The following ATXN2 variants were observed in gnomAD, a reference collection of about 807,000 sequenced individuals.
ATXN2 encodes ataxin-2.
A neutral mutation model predicts 138.6 loss-of-function variants in ATXN2; 37 were observed. That is an observed-to-expected ratio of 0.27 (90% confidence interval 0.21 to 0.35). ATXN2 has a LOEUF of 0.35. Ranked by LOEUF, ATXN2 falls within the 10% of genes least tolerant of loss-of-function variation. The probability of loss-of-function intolerance (pLI) is 1.00; values close to 1 mark genes in which losing one functional copy is unlikely to be tolerated. For missense variants in ATXN2, 1,216 were observed against 1,480.3 expected (o/e 0.82, Z 2.93); for synonymous variants, 549 against 543.7 (o/e 1.01, Z -0.13).
At chr12:111,522,642 G>A (rs753096093) in intron 6 of ATXN2, among the ~76,000 whole-genome samples, 1 of 152,084 alleles carries the variant, frequency 6.6e-6, no homozygotes, top group Non-Finnish European at 1.5e-5. Context: ...GCCGGGCGCA[G>A]TGGCTCATGC....
chr12:111,493,049 A>C (rs1878147848), intron 14 of ATXN2, among the ~76,000 whole-genome samples: 1 of 152,214 alleles, frequency 6.6e-6, no homozygotes, highest in Non-Finnish European at 1.5e-5. Context: ...AAACTGAAAA[A>C]TGCATCAGTC....
At chr12:111,589,682 GA>G (rs1246041836) in intron 1 of ATXN2, among the ~76,000 whole-genome samples, 1 of 151,840 alleles carries the variant, frequency 6.6e-6, no homozygotes, top group African/African-American at 2.4e-5. Flanking sequence ...TGAGGCATGA[GA>G]ATCATTTGAA....
rs1885074115 is a variant in ATXN2 at position 111,598,774 on chromosome 12, C to G, written c.251+10G>C. On this transcript the variant is annotated intron_variant, in intron 1 of 24. Coordinates refer to ENST00000673436, the MANE Select transcript of ATXN2 (RefSeq NM_001372574.1). This position sits in a 1 kb window ranked among gnomAD's most constrained non-coding sequence, Gnocchi z 4.5. Reference sequence around the variant, plus strand: ...CCCGGAGCGGAGGGGGCTGGGGTGCCGACACCCACCTGCCCAGGCCGGGCC... The same window carrying G: ...CCCGGAGCGGAGGGGGCTGGGGTGCGGACACCCACCTGCCCAGGCCGGGCC... 7.7e-7 allele frequency: 1 copy of G among 1,301,676 alleles called. No homozygotes were observed. The highest frequency in any genetic ancestry group is 9.7e-7 in the Non-Finnish European group (1 of 1,029,004). The allele number at this position is 1,301,676 out of a possible 1,614,324, so 80.6% of individuals were successfully genotyped here. A position where few individuals can be genotyped will look rare whatever the true frequency, so the allele number is the denominator to read the frequency against.
chr12:111,554,252 T>C, intron 2 of ATXN2, 35 bp from the exon 3 acceptor site: 5 of 1,290,588 alleles, frequency 3.9e-6, no homozygotes, highest in East Asian at 2.7e-5. Context: ...CTATTAGAAA[T>C]TAGTACAAAC....
At chr12:111,489,337 G>A (rs187418229) in intron 14 of ATXN2, among the ~76,000 whole-genome samples, 4 of 152,228 alleles carry the variant, frequency 2.6e-5, no homozygotes, top group East Asian at 1.9e-4. Flanking sequence ...AATGGGGGCC[G>A]GGCACGGTGG....
chr12:111,530,727 T>C lies in ATXN2; in HGVS notation c.572-5411A>G, dbSNP rs181934852. Among the ~76,000 whole-genome samples the C allele has an allele frequency of 4.9e-3, 738 of 152,088 alleles. 10 individuals carry two copies. Among genetic ancestry groups the C allele is most frequent in the African/African-American group, 0.016 (678 of 41,486 alleles). On this transcript the variant is annotated intron_variant, in intron 5 of 24. Coordinates refer to ENST00000673436, the MANE Select transcript of ATXN2 (RefSeq NM_001372574.1). Reference sequence around the variant, plus strand: ...TACTCGGGAGGCTGAGGCAGGAGAATGGTGTGAACCAGGGAGGCAGAGCTT... The same window carrying C: ...TACTCGGGAGGCTGAGGCAGGAGAACGGTGTGAACCAGGGAGGCAGAGCTT...
At chr12:111,494,402 T>G (rs1046084775) in intron 14 of ATXN2, among the ~76,000 whole-genome samples, 6 of 152,004 alleles carry the variant, frequency 3.9e-5, no homozygotes, top group African/African-American at 1.4e-4. Context: ...TATAAAATGT[T>G]ATTTGCAACC....
intron 1 of ATXN2, among the ~76,000 whole-genome samples, chr12:111,586,165 A>G (rs1884316905): frequency 6.6e-6 from 1 of 151,424 alleles, no homozygotes; most frequent in African/African-American, 2.4e-5. Flanking sequence ...TCAGCCTCCC[A>G]AAGTGTTGGG....
At chr12:111,490,387 T>C (rs1877944122) in intron 14 of ATXN2, among the ~76,000 whole-genome samples, 1 of 151,888 alleles carries the variant, frequency 6.6e-6, no homozygotes, top group African/African-American at 2.4e-5. Context: ...GGAGGCTAAT[T>C]AGGATGTGGA....
At chr12:111,486,086 G>A (rs1877619647) in intron 16 of ATXN2, among the ~76,000 whole-genome samples, 1 of 152,028 alleles carries the variant, frequency 6.6e-6, no homozygotes, top group Non-Finnish European at 1.5e-5. Context: ...TAAAAACAGT[G>A]GCAGCTATTT....
chr12:111,599,625 C>T, upstream of ATXN2: 1 of 1,076,094 alleles, frequency 9.3e-7, no homozygotes, highest in East Asian at 6.1e-5. Context: ...GCCCCGGGGC[C>T]GGGAGGGACA....
At position 111,513,551 on chromosome 12, in the gene ATXN2, A is replaced by G. The variant is rs1356923651; in HGVS notation, c.1376-12T>C. The G allele has an allele frequency of 6.2e-7, 1 of 1,603,806 alleles. No homozygotes were observed. The highest frequency in any genetic ancestry group is 1.8e-5 in the Admixed American group (1 of 56,848). On this transcript the variant is annotated splice_polypyrimidine_tract_variant and intron_variant, in intron 10 of 24. Coordinates refer to ENST00000673436, the MANE Select transcript of ATXN2 (RefSeq NM_001372574.1). The stretch of plus-strand genomic sequence containing the variant: ...CATCCTTGGAGGCCCTAAGGAAGAA[A>G]CAGTGAACATCACATAAATTCCATG...
intron 5 of ATXN2, among the ~76,000 whole-genome samples, chr12:111,532,451 C>T (rs977836943): frequency 6.6e-6 from 1 of 152,062 alleles, no homozygotes; most frequent in African/African-American, 2.4e-5. Context: ...CTGCACTCAG[C>T]CTGGGAGACA....
chr12:111,470,997 C>A lies in ATXN2; in HGVS notation c.2525-255G>T, dbSNP rs182533128. On this transcript the variant is annotated intron_variant, in intron 18 of 24. Coordinates refer to ENST00000673436, the MANE Select transcript of ATXN2 (RefSeq NM_001372574.1). ...TCAGGTGTCAGCTTGAAAGCAACTTCCTCAGAGGGACTTTCTCTCATGGCC... is the reference window on the plus strand; with the variant it reads ...TCAGGTGTCAGCTTGAAAGCAACTTACTCAGAGGGACTTTCTCTCATGGCC... 1,111 of 463,296 alleles carry A rather than the reference C, an allele frequency of 2.4e-3. 19 individuals carry two copies. In the Admixed American group the frequency reaches 0.034, roughly 14 times the overall value. 28.7% of individuals were successfully genotyped at this position (463,296 alleles called of 1,614,324 possible). A position where few individuals can be genotyped will look rare whatever the true frequency, so the allele number is the denominator to read the frequency against.
intron 18 of ATXN2, among the ~76,000 whole-genome samples, chr12:111,479,843 G>A (rs1275720624): frequency 7.3e-6 from 1 of 137,924 alleles, no homozygotes; most frequent in Non-Finnish European, 1.5e-5. Context: ...CACGCTGTTT[G>A]ATTCCATTTA....
Position 111,453,430 on chromosome 12 carries a change from T to C in ATXN2, c.3439+247A>G, listed in dbSNP as rs1874822244. The C allele has an allele frequency of 2.4e-6, 3 of 1,246,882 alleles. No homozygotes were observed. Among genetic ancestry groups the C allele is most frequent in the Non-Finnish European group, 3.0e-6 (3 of 994,844 alleles). The allele number at this position is 1,246,882 out of a possible 1,614,324, so 77.2% of individuals were successfully genotyped here. A position where few individuals can be genotyped will look rare whatever the true frequency, so the allele number is the denominator to read the frequency against. ...GTCCTAGGCATGCATCAGGCTGCTG[T>C]TGCTGCTGCTGCTGCTTCTCATCAA... On this transcript the variant is annotated intron_variant, in intron 24 of 24. Transcript: ENST00000673436. This position sits in a 1 kb window ranked among gnomAD's most constrained non-coding sequence, Gnocchi z 5.4.
In ATXN2 at chr12:111,568,278, CA is replaced by C. The variant is rs1218698696; in HGVS notation, c.252-12360del. Among the ~76,000 whole-genome samples the C allele has an allele frequency of 1.6e-3, 227 of 141,946 alleles. 1 individual carries two copies. The highest frequency in any genetic ancestry group is 5.1e-3 in the African/African-American group (199 of 38,952). 93.1% of individuals were successfully genotyped at this position (141,946 alleles called of 152,430 possible). Reference sequence around the variant, plus strand: ...TCTGTCTCAAAAACAAAAAACAAAACAAAAAAAAAAACTGGGGAGAAAAAAC... The same window carrying C: ...TCTGTCTCAAAAACAAAAAACAAAACAAAAAAAAAACTGGGGAGAAAAAAC... On this transcript the variant is annotated intron_variant, in intron 1 of 24. Transcript: ENST00000673436.
intron 3 of ATXN2, among the ~76,000 whole-genome samples, chr12:111,553,604 A>ATTT (rs745560171): frequency 3.5e-5 from 3 of 85,004 alleles, no homozygotes; most frequent in Admixed American, 1.5e-4. Flanking sequence ...AAAAAAAAAA[A>ATTT]TTTTTTTTTT....
intron 15 of ATXN2, 117 bp downstream of exon 15, chr12:111,488,359 T>C: frequency 2.9e-6 from 3 of 1,030,134 alleles, no homozygotes; most frequent in South Asian, 1.9e-5. Context: ...CTAAGGGCAA[T>C]GTATAAAGTA....
Sources: allele counts gnomAD v4.1 joint callset (sites outside exome capture counted in the v4.1 genomes callset), GRCh38; gene constraint gnomAD v4.1.1; non-coding constraint Gnocchi (gnomAD v3.1); transcripts MANE v1.5; gene names NCBI Gene and HGNC (gene_info 2026-07-23, HGNC 2026-07-21).